PGM3: variants seen among roughly 807,000 people sequenced by gnomAD.
PGM3 encodes the protein phosphoglucomutase 3, also known as phosphoacetylglucosamine mutase.
In PGM3, 40 loss-of-function variants were observed where a neutral mutation model predicts 66.2. The observed-to-expected ratio is 0.60, with a 90% CI of 0.47 to 0.79. PGM3 has a LOEUF of 0.79. Among genes scored for constraint, PGM3 ranks in the 30% least tolerant of loss-of-function variants. The probability of loss-of-function intolerance (pLI) is 0.00; values close to 1 mark genes in which losing one functional copy is unlikely to be tolerated. For missense variants in PGM3, 537 were observed against 643.4 expected (o/e 0.83, Z 1.79); for synonymous variants, 191 against 224.2 (o/e 0.85, Z 1.32).
downstream of PGM3, among the ~76,000 whole-genome samples, chr6:83,163,718 T>C (rs192489689): frequency 2.5e-3 from 373 of 152,240 alleles, no homozygotes; most frequent in Middle Eastern, 6.8e-3. Flanking sequence ...GTGATGATGC[T>C]GAGTACAGAT....
chr6:83,174,152 A>G (rs1416323121), intron 10 of PGM3, among the ~76,000 whole-genome samples: 1 of 152,204 alleles, frequency 6.6e-6, no homozygotes, highest in African/African-American at 2.4e-5. Flanking sequence ...TACCCAATAT[A>G]CTTGAAAATT....
rs1165598375 is a variant in PGM3 at position 83,181,842 on chromosome 6, G to A, written c.681C>T (p.Tyr227=). 2 of 1,613,876 alleles carry A rather than the reference G, an allele frequency of 1.2e-6. No homozygotes were observed. The highest frequency in any genetic ancestry group is 1.3e-5 in the African/African-American group (1 of 75,032). The part of the protein sequence containing the change: ...GALKLREMEH[Y]FSQGLSVQLF... ...GCTGAACTGACAGGCCCTGTGAGAA[G>A]TAGTGTTCCATTTCCCTTAGCTTCA... The change falls in exon 6 of 13, where the codon TAC becomes TAT. Residue 227 remains tyrosine (Y), a synonymous_variant. Transcript: ENST00000513973.
At chr6:83,153,407 C>A in the PGM3 span, 1 of 630,398 alleles carries the variant, frequency 1.6e-6, no homozygotes, top group Non-Finnish European at 2.5e-6. Flanking sequence ...TTAGATTTTT[C>A]TAATTTTAAG....
chr6:83,166,559 A>C lies in PGM3; in HGVS notation c.*2675T>G, dbSNP rs77456516. The C allele has an allele frequency of 1.9e-6, 1 of 537,006 alleles. No individual in the cohort carries two copies. The highest frequency in any genetic ancestry group is 3.1e-6 in the Non-Finnish European group (1 of 319,078). The allele number at this position is 537,006 out of a possible 1,614,324, so 33.3% of individuals were successfully genotyped here. A position where few individuals can be genotyped will look rare whatever the true frequency, so the allele number is the denominator to read the frequency against. On this transcript the variant is annotated 3_prime_UTR_variant, in exon 13 of 13. Transcript: ENST00000513973. ...ATATAAACAGCAATAAGTCATTAGC[A>C]AAAAAAAAGTGAGAAATATGCTTAA... is the stretch of plus-strand genomic sequence containing the variant.
At chr6:83,169,914 G>A in intron 12 of PGM3, 1 of 405,976 alleles carries the variant, frequency 2.5e-6, no homozygotes, top group South Asian at 1.9e-5. Context: ...CAAGAGTCCA[G>A]AATGCTATCA....
rs1005183279 is a variant in PGM3 at position 83,191,284 on chromosome 6, A to AT, written c.-2-271dup. On this transcript the variant is annotated intron_variant, in intron 1 of 12. Transcript: ENST00000513973. ...CTCCTCCCATTTTAGCTCCAGGACTATCCTGGACGCCGGGCACACTTAAAT... is the reference window on the plus strand; with the variant it reads ...CTCCTCCCATTTTAGCTCCAGGACTATTCCTGGACGCCGGGCACACTTAAAT... 6.6e-6 allele frequency: 10 copies of AT among 1,504,444 alleles called. No individual in the cohort carries two copies. In the East Asian group the frequency reaches 7.4e-5, roughly 11 times the overall value. 93.2% of individuals were successfully genotyped at this position (1,504,444 alleles called of 1,614,324 possible).
At chr6:83,190,708 A>G in intron 2 of PGM3, 101 bp downstream of exon 2, 5 of 930,546 alleles carry the variant, frequency 5.4e-6, no homozygotes, top group Non-Finnish European at 8.5e-6. Context: ...GAGAAGGCAC[A>G]TTCCTAGAAT....
At chr6:83,153,578 T>A in the PGM3 span, 1 of 1,609,998 alleles carries the variant, frequency 6.2e-7, no homozygotes. Flanking sequence ...CCTTTACTTG[T>A]AAATATTATG....
intron 1 of PGM3, 163 bp downstream of exon 1, chr6:83,193,016 C>T (rs1349425895): frequency 2.0e-5 from 3 of 152,286 alleles, no homozygotes; most frequent in African/African-American, 7.2e-5. Context: ...CCGCGGGGCG[C>T]AGGGGCCTGT....
At chr6:83,155,583 G>A in the PGM3 span, among the ~76,000 whole-genome samples, 1 of 152,200 alleles carries the variant, frequency 6.6e-6, no homozygotes, top group Non-Finnish European at 1.5e-5. Flanking sequence ...AATGACTTGA[G>A]GAAGGAGAGG....
chr6:83,171,862 G>T, intron 11 of PGM3, 75 bp downstream of exon 11: 1 of 1,127,998 alleles, frequency 8.9e-7, no homozygotes, highest in Non-Finnish European at 1.3e-6. Context: ...ATGTCAGTGA[G>T]ATATAATGAG....
At chr6:83,177,821 C>T (rs990955032) in intron 8 of PGM3, among the ~76,000 whole-genome samples, 12 of 152,082 alleles carry the variant, frequency 7.9e-5, no homozygotes, top group Admixed American at 3.3e-4. Flanking sequence ...AATATGTGAC[C>T]GCCCTGGCCT....
chr6:83,191,816 G>T (rs1324331595), intron 1 of PGM3, among the ~76,000 whole-genome samples: 2 of 151,380 alleles, frequency 1.3e-5, no homozygotes, highest in Non-Finnish European at 2.9e-5. Context: ...TGGCGAAACC[G>T]CCTCTCTATT....
chr6:83,168,009 C>T lies in PGM3; in HGVS notation c.*1225G>A. On this transcript the variant is annotated 3_prime_UTR_variant, in exon 13 of 13. Coordinates refer to ENST00000513973, the MANE Select transcript of PGM3 (RefSeq NM_015599.3). ...AGTCTTCAACAGCAAAGTCACAAGC[C>T]GATGTGGAGGACACTCAGGGAGTCC... The T allele has an allele frequency of 6.2e-7, 1 of 1,614,156 alleles. No homozygotes were observed. Among genetic ancestry groups the T allele is most frequent in the Non-Finnish European group, 8.5e-7 (1 of 1,180,032 alleles).
In PGM3 at chr6:83,169,095, A is replaced by G; in HGVS notation, c.*139T>C. ...TAAAGAATTATTCTGTTAGTGTTTA[A>G]GAAAAACAGATCTAGAGACAATCCA... On this transcript the variant is annotated 3_prime_UTR_variant, in exon 13 of 13. Coordinates refer to ENST00000513973, the MANE Select transcript of PGM3 (RefSeq NM_015599.3). The G allele has an allele frequency of 6.9e-7, 1 of 1,451,272 alleles. No individual in the cohort carries two copies. Among genetic ancestry groups the G allele is most frequent in the Non-Finnish European group, 9.0e-7 (1 of 1,106,444 alleles). 89.9% of individuals were successfully genotyped at this position (1,451,272 alleles called of 1,614,324 possible). A position where few individuals can be genotyped will look rare whatever the true frequency, so the allele number is the denominator to read the frequency against.
At chr6:83,153,520 C>T in the PGM3 span, 3 of 1,597,050 alleles carry the variant, frequency 1.9e-6, no homozygotes, top group Non-Finnish European at 1.7e-6. Context: ...GGTTTTGGCT[C>T]ATCTTTTGGA....
chr6:83,153,758 ATAT>A, the PGM3 span: 2 of 1,170,460 alleles, frequency 1.7e-6, no homozygotes, highest in South Asian at 1.8e-5. Flanking sequence ...AAAAATTCAT[ATAT>A]TATTTTTCTT....
At chr6:83,157,392 G>T (rs981637092), downstream of PGM3, 20 of 1,472,706 alleles carry the variant, frequency 1.4e-5, no homozygotes, top group Non-Finnish European at 1.7e-5. Context: ...GTGCTTACTA[G>T]ATATTAACGA....
intron 10 of PGM3, among the ~76,000 whole-genome samples, chr6:83,173,943 A>G (rs912344178): frequency 6.6e-6 from 1 of 151,852 alleles, no homozygotes; most frequent in Non-Finnish European, 1.5e-5. Flanking sequence ...TCACCCTGTT[A>G]GCCAGGAGGG....
Sources: allele counts gnomAD v4.1 joint callset (sites outside exome capture counted in the v4.1 genomes callset), GRCh38; gene constraint gnomAD v4.1.1; transcripts MANE v1.5; gene names NCBI Gene and HGNC (gene_info 2026-07-23, HGNC 2026-07-21).